Variants in CCDC171 observed in about 807,000 individuals in gnomAD.
CCDC171 encodes the protein coiled-coil domain-containing protein 171.
A neutral mutation model predicts 168.2 loss-of-function variants in CCDC171; 177 were observed. The observed-to-expected ratio is 1.05, with a 90% CI of 0.93 to 1.19. CCDC171 has a LOEUF of 1.19. Among genes scored for constraint, CCDC171 ranks in the 50% most tolerant of loss-of-function variants. The pLI is 0.00. For missense variants in CCDC171, 1,991 were observed against 1,539.0 expected, an observed-to-expected ratio of 1.29 and a Z score of -4.91; for synonymous variants, 687 against 540.8, an observed-to-expected ratio of 1.27 and a Z score of -3.75.
chr9:15,847,054 A>G (rs1198644784), intron 22 of CCDC171, among the ~76,000 whole-genome samples: 1 of 152,150 alleles, frequency 6.6e-6, no homozygotes, highest in Non-Finnish European at 1.5e-5. Flanking sequence ...AGAAAAGTAT[A>G]AGCTTCTATG....
chr9:15,838,884 G>A (rs2060561208), intron 21 of CCDC171, among the ~76,000 whole-genome samples: 1 of 152,160 alleles, frequency 6.6e-6, no homozygotes, highest in African/African-American at 2.4e-5. Flanking sequence ...GTGATAGGGT[G>A]GGTTGCTGTT....
intron 10 of CCDC171, among the ~76,000 whole-genome samples, chr9:15,686,702 C>T (rs1338608317): frequency 6.6e-6 from 1 of 152,016 alleles, no homozygotes. Context: ...GTCAATCCAC[C>T]AGAACGATCT....
At position 15,733,478 on chromosome 9, in the gene CCDC171, G is replaced by GTT. The variant is rs77820713; in HGVS notation, c.2049+3695_2049+3696dup. Among the ~76,000 whole-genome samples, 180 of 124,646 alleles carry GTT rather than the reference G, an allele frequency of 1.4e-3. 2 individuals carry two copies. Among genetic ancestry groups the GTT allele is most frequent in the Middle Eastern group, 4.7e-3 (1 of 214 alleles). The allele number at this position is 124,646 out of a possible 152,430, so 81.8% of individuals were successfully genotyped here. On this transcript the variant is annotated intron_variant, in intron 16 of 25. Coordinates refer to ENST00000380701, the MANE Select transcript of CCDC171 (RefSeq NM_173550.4). Reference sequence around the variant, plus strand: ...AGGTGTGAGGTATCGATTAAGGTCAGTTTTTTTTTTTTTTTTGCGTATTCA... The same window carrying GTT: ...AGGTGTGAGGTATCGATTAAGGTCAGTTTTTTTTTTTTTTTTTTGCGTATTCA...
At chr9:15,569,160 T>C (rs1194388878) in intron 2 of CCDC171, among the ~76,000 whole-genome samples, 2 of 152,376 alleles carry the variant, frequency 1.3e-5, no homozygotes, top group African/African-American at 4.8e-5. Context: ...CTTTTCGGTT[T>C]GAAACTTATA....
intron 7 of CCDC171, among the ~76,000 whole-genome samples, chr9:15,629,879 T>G (rs1263042579): frequency 1.3e-5 from 2 of 152,166 alleles, no homozygotes; most frequent in Non-Finnish European, 2.9e-5. Context: ...TATTCAACAT[T>G]CTTAAAGAAA....
At chr9:15,669,456 CATTT>C (rs1564176393) in intron 9 of CCDC171, among the ~76,000 whole-genome samples, 1 of 152,070 alleles carries the variant, frequency 6.6e-6, no homozygotes, top group Non-Finnish European at 1.5e-5. Flanking sequence ...AGGCATTTAT[CATTT>C]ATTTATGTTA....
At chr9:15,880,464 T>TC (rs1250494490) in intron 24 of CCDC171, among the ~76,000 whole-genome samples, 1,054 of 10,860 alleles carry the variant, frequency 0.097, 11 homozygotes, top group African/African-American at 0.13. Context: ...TCTCTCTCTC[T>TC]TTTTTTTTTT....
At chr9:16,092,549 G>C in the CCDC171 span, among the ~76,000 whole-genome samples, 7 of 152,248 alleles carry the variant, frequency 4.6e-5, no homozygotes, top group East Asian at 1.4e-3. Flanking sequence ...TGCTAACAGA[G>C]GTTCTTTGCT....
At chr9:15,623,462 T>TAC (rs1554714712) in intron 7 of CCDC171, 49 bp downstream of exon 7, 6 of 486,806 alleles carry the variant, frequency 1.2e-5, no homozygotes, top group South Asian at 1.1e-4. Context: ...AACTTTCACA[T>TAC]ATGCGCGCGC....
chr9:15,597,203 G>A (rs2042439298), intron 6 of CCDC171, among the ~76,000 whole-genome samples: 1 of 151,974 alleles, frequency 6.6e-6, no homozygotes, highest in Non-Finnish European at 1.5e-5. Context: ...GTAGTGAGAG[G>A]GGGCATCCCT....
At chr9:16,067,468 T>G in the CCDC171 span, among the ~76,000 whole-genome samples, 77 of 152,320 alleles carry the variant, frequency 5.1e-4, no homozygotes, top group South Asian at 0.016. Flanking sequence ...TTAGTTTAAT[T>G]AGATCCCATT....
intron 11 of CCDC171, among the ~76,000 whole-genome samples, chr9:15,707,418 ATT>A (rs1365250793): frequency 6.6e-6 from 1 of 152,156 alleles, no homozygotes; most frequent in East Asian, 1.9e-4. Context: ...ACTCATTTCT[ATT>A]TTGCTTCATC....
intron 1 of CCDC171, among the ~76,000 whole-genome samples, chr9:16,044,370 C>T (rs375353352): frequency 4.1e-4 from 62 of 152,130 alleles, no homozygotes; most frequent in African/African-American, 1.3e-3. Flanking sequence ...AAATTGTATA[C>T]GTTGGGTTGT....
In CCDC171 at chr9:15,865,845, C is replaced by T. The variant is rs917013198; in HGVS notation, c.3469-8687C>T. On this transcript the variant is annotated intron_variant, in intron 23 of 25. Transcript: ENST00000380701. ...ACATGTTGTTCAAAGTTCAACTCTG[C>T]GTGCGTGTGTGTGTGTGTGTGTGTG... Among the ~76,000 whole-genome samples, 5 of 60,782 alleles carry T rather than the reference C, an allele frequency of 8.2e-5. No homozygotes were observed. The South Asian group carries it at 4.6e-3, about 56-fold the overall frequency. 39.9% of individuals were successfully genotyped at this position (60,782 alleles called of 152,430 possible).
At chr9:16,042,679 G>A (rs1833591621), upstream of CCDC171, 1 of 152,172 alleles carries the variant, frequency 6.6e-6, no homozygotes, top group Admixed American at 6.5e-5. Flanking sequence ...ATGATATGGG[G>A]ACCTGCAGTT....
chr9:16,005,025 A>G (rs1832655815), intron 3 of CCDC171, among the ~76,000 whole-genome samples: 1 of 152,236 alleles, frequency 6.6e-6, no homozygotes, highest in Non-Finnish European at 1.5e-5. Flanking sequence ...TGAAGTATTA[A>G]TCATGTAACA....
At chr9:15,731,592 T>C (rs1423969570) in intron 16 of CCDC171, among the ~76,000 whole-genome samples, 5 of 152,134 alleles carry the variant, frequency 3.3e-5, no homozygotes, top group African/African-American at 1.2e-4. Flanking sequence ...CACTATTTGA[T>C]GGATTGTGGG....
the CCDC171 span, among the ~76,000 whole-genome samples, chr9:16,090,563 A>C: frequency 1.3e-5 from 2 of 152,346 alleles, no homozygotes; most frequent in East Asian, 1.9e-4. Flanking sequence ...CTTAAAGTAT[A>C]ATTTAAAAAA....
At chr9:15,566,055 G>A (rs78846031) in intron 2 of CCDC171, among the ~76,000 whole-genome samples, 1,695 of 152,280 alleles carry the variant, frequency 0.011, 34 homozygotes, top group African/African-American at 0.038. Context: ...TTTGGTGAGT[G>A]TGAAGTTATA....
Sources: gnomAD v4.1 joint callset for allele counts (sites outside exome capture counted in the v4.1 genomes callset) on GRCh38, gnomAD v4.1.1 for gene constraint, MANE v1.5 for transcripts, NCBI Gene and HGNC (gene_info 2026-07-23, HGNC 2026-07-21) for gene names.